The following TSEN54 variants were observed in gnomAD, a reference collection of about 807,000 sequenced individuals.
The protein encoded by TSEN54 is tRNA-splicing endonuclease subunit Sen54.
Under a neutral mutation model 61.9 loss-of-function variants are expected in TSEN54, and 55 were observed. The ratio of observed to expected loss-of-function variants is 0.89; its 90% CI spans 0.72 to 1.11. The LOEUF is 1.11. TSEN54 is among the 50% of genes most tolerant of loss of function. TSEN54 has a pLI of 0.00. For missense variants in TSEN54, 760 were observed against 687.7 expected, an observed-to-expected ratio of 1.11 and a Z score of -1.18; for synonymous variants, 304 against 288.7, an observed-to-expected ratio of 1.05 and a Z score of -0.54.
chr17:75,517,656 G>A lies in TSEN54; in HGVS notation c.468+1G>A. On this transcript the variant is annotated splice_donor_variant, in intron 5 of 10. Coordinates refer to ENST00000333213, the MANE Select transcript of TSEN54 (RefSeq NM_207346.3). LOFTEE classifies it high-confidence loss of function. ...CACTGTGACCTTCCTGCAGTACCAG[G>A]TATCTGCCACCACCCCGCCTCCGGG... 3 of 1,613,224 alleles carry A rather than the reference G, an allele frequency of 1.9e-6. No homozygotes were observed. The highest frequency in any genetic ancestry group is 1.7e-4 in the Middle Eastern group (1 of 6,060).
rs982148041 is a variant in TSEN54 at position 75,516,851 on chromosome 17, G to A, written c.162G>A (p.Arg54=). The change falls in exon 2 of 11, where the codon CGG becomes CGA. Residue 54 remains arginine (R), a synonymous_variant. Transcript: ENST00000333213. The stretch of plus-strand genomic sequence containing the variant: ...ACGGCTCGGCAGCTCAGGCCGAGCG[G>A]CTGCGCCGGTGCCGGGAAGAGCTCT... ...LPDGSAAQAE[R]LRRCREELWQ... 1.8e-5 allele frequency: 29 copies of A among 1,577,876 alleles called. No individual in the cohort carries two copies. The highest frequency in any genetic ancestry group is 1.9e-5 in the Non-Finnish European group (22 of 1,169,014).
At position 75,517,792 on chromosome 17, in the gene TSEN54, T is replaced by A. The variant is rs528903350; in HGVS notation, c.468+137T>A. ...ACGAGGGCTATGCTGTCACGAGGCT[T>A]ACATTGTGGTGGTGGCCTGTTGGCT... On this transcript the variant is annotated intron_variant, in intron 5 of 10. Transcript: ENST00000333213. The A allele has an allele frequency of 1.6e-3, 1,215 of 768,886 alleles. 3 individuals carry two copies. Among genetic ancestry groups the A allele is most frequent in the Non-Finnish European group, 2.4e-3 (1,083 of 448,562 alleles). 47.6% of individuals were successfully genotyped at this position (768,886 alleles called of 1,614,324 possible). A position where few individuals can be genotyped will look rare whatever the true frequency, so the allele number is the denominator to read the frequency against.
chr17:75,522,098 G>A lies in TSEN54; in HGVS notation c.1017G>A (p.Gln339=), dbSNP rs1445810297. 1 of 1,583,912 alleles carries A rather than the reference G, an allele frequency of 6.3e-7. No individual in the cohort carries two copies. Among genetic ancestry groups the A allele is most frequent in the Admixed American group, 1.8e-5 (1 of 56,392 alleles). Reference sequence around the variant, plus strand: ...AGACAGACGCTGAGTCCTGGTGCCAGAAGCTGAACCAGCGCAAGGAGAAGC... The same window carrying A: ...AGACAGACGCTGAGTCCTGGTGCCAAAAGCTGAACCAGCGCAAGGAGAAGC... The part of the protein sequence containing the change: ...GRETDAESWC[Q]KLNQRKEKLS... Residue 339 remains glutamine, a synonymous_variant, in exon 8 of 11, where the codon CAG becomes CAA. Coordinates refer to ENST00000333213, the MANE Select transcript of TSEN54 (RefSeq NM_207346.3).
At chr17:75,524,145 A>G in intron 10 of TSEN54, 117 bp from the exon 11 acceptor site, 1 of 1,451,800 alleles carries the variant, frequency 6.9e-7, no homozygotes, top group Non-Finnish European at 9.6e-7. Context: ...TTGGAGACAG[A>G]ACTCATGGGT....
intron 8 of TSEN54, 101 bp from the exon 9 acceptor site, chr17:75,523,174 G>GT: frequency 6.6e-7 from 1 of 1,524,154 alleles, no homozygotes; most frequent in South Asian, 1.1e-5. Flanking sequence ...GTGAGACTCC[G>GT]TTTAAAAAAA....
At chr17:75,523,856 T>C in intron 10 of TSEN54, 77 bp downstream of exon 10, 2 of 1,494,942 alleles carry the variant, frequency 1.3e-6, no homozygotes, top group Non-Finnish European at 1.8e-6. Context: ...TCCTCTGTAC[T>C]CCCCTGGCCA....
rs777072495 is a variant in TSEN54, at chr17:75,524,548, G to GTC, written c.*138_*139dup. ...GCCAGTCTGGGCCTTGGCCCTGGGT[G>GTC]TCTGATACTCACAGAGTGAAACTGT... On this transcript the variant is annotated 3_prime_UTR_variant, in exon 11 of 11. Transcript: ENST00000333213. 2.7e-6 allele frequency: 3 copies of GTC among 1,094,838 alleles called. No individual in the cohort carries two copies. The highest frequency in any genetic ancestry group is 4.1e-6 in the Non-Finnish European group (3 of 726,320). The allele number at this position is 1,094,838 out of a possible 1,614,324, so 67.8% of individuals were successfully genotyped here.
chr17:75,524,697 T>C lies in TSEN54; in HGVS notation c.*285T>C, dbSNP rs2147021283. ...CTTTAACGAGAGGGTGCCTGCTTCG[T>C]GCTATAAAGCCAAAGCCATTAAAAA... is the stretch of plus-strand genomic sequence containing the variant. On this transcript the variant is annotated 3_prime_UTR_variant, in exon 11 of 11. Coordinates refer to ENST00000333213, the MANE Select transcript of TSEN54 (RefSeq NM_207346.3). 1 of 527,338 alleles carries C rather than the reference T, an allele frequency of 1.9e-6. No homozygotes were observed. Among genetic ancestry groups the C allele is most frequent in the South Asian group, 2.0e-5 (1 of 50,704 alleles). The allele number at this position is 527,338 out of a possible 1,614,324, so 32.7% of individuals were successfully genotyped here.
chr17:75,521,650 G>T, intron 7 of TSEN54, 55 bp from the exon 8 acceptor site: 1 of 1,592,690 alleles, frequency 6.3e-7, no homozygotes, highest in Non-Finnish European at 8.6e-7. Context: ...CCCATGGGAC[G>T]TGTGCACCTT....
rs2053445011 is a variant in TSEN54 at position 75,523,032 on chromosome 17, AGCCGGGTG to A, written c.1253-242_1253-235del. 6 of 496,496 alleles carry A rather than the reference AGCCGGGTG, an allele frequency of 1.2e-5. 1 individual carries two copies. The highest frequency in any genetic ancestry group is 1.2e-4 in the South Asian group (6 of 49,720). 30.8% of individuals were successfully genotyped at this position (496,496 alleles called of 1,614,324 possible). A position where few individuals can be genotyped will look rare whatever the true frequency, so the allele number is the denominator to read the frequency against. On this transcript the variant is annotated intron_variant, in intron 8 of 10. Coordinates refer to ENST00000333213, the MANE Select transcript of TSEN54 (RefSeq NM_207346.3). ...CATCTCTACTAAAAATACAAAAATTAGCCGGGTGTGGTGGTGCACACTTATAATCCCAG... is the reference window on the plus strand; with the variant it reads ...CATCTCTACTAAAAATACAAAAATTATGGTGGTGCACACTTATAATCCCAG...
chr17:75,521,879 C>T lies in TSEN54; in HGVS notation c.798C>T (p.Pro266=). ...TTCAGCTTCTGGGGTCCCTGGGCCC[C>T]AGCCCTGGCCCGGCCAGGGAGGGGG... ...GPFQLLGSLG[P]SPGPAREGVG... The change falls in exon 8 of 11, where the codon CCC becomes CCT. Residue 266 remains proline, a synonymous_variant. Transcript: ENST00000333213. 1.2e-6 allele frequency: 2 copies of T among 1,610,538 alleles called. No homozygotes were observed. The highest frequency in any genetic ancestry group is 1.3e-5 in the African/African-American group (1 of 74,960).
intron 4 of TSEN54, 32 bp from the exon 5 acceptor site, chr17:75,517,525 C>G (rs746622463): frequency 6.3e-7 from 1 of 1,582,890 alleles, no homozygotes; most frequent in East Asian, 2.2e-5. Flanking sequence ...GTAGTGAGGG[C>G]TCATAAGCTG....
chr17:75,523,761 C>T lies in TSEN54; in HGVS notation c.1412C>T (p.Ala471Val). The stretch of plus-strand genomic sequence containing the variant: ...AAGAATAACCCTGGCAAACCCTATG[C>T]CCGGATGTGCATTAGTGGGTACGCA... The part of the protein sequence containing the change: ...FRKNNPGKPY[A>V]RMCISGFDEP... Residue 471 changes from alanine to valine, a missense_variant, in exon 10 of 11, where the codon GCC becomes GTC. This residue lies in a region of TSEN54 where 83 missense variants were observed against 82.9 expected (regional missense o/e 1.00). Transcript: ENST00000333213. 1.9e-6 allele frequency: 3 copies of T among 1,613,928 alleles called. No individual in the cohort carries two copies. In the South Asian group the frequency reaches 3.3e-5, roughly 18 times the overall value.
At chr17:75,520,415 CAAAAAAAAAA>C (rs917844314) in intron 6 of TSEN54, among the ~76,000 whole-genome samples, 2 of 91,796 alleles carry the variant, frequency 2.2e-5, no homozygotes, top group African/African-American at 4.1e-5. Flanking sequence ...ACTAAAATAC[CAAAAAAAAAA>C]AAAAAAAAAA....
intron 6 of TSEN54, 48 bp downstream of exon 6, chr17:75,519,095 T>C: frequency 6.2e-7 from 1 of 1,605,198 alleles, no homozygotes; most frequent in Non-Finnish European, 8.5e-7. Flanking sequence ...TCCTGGGACC[T>C]GGCTGACTAG....
chr17:75,519,594 ACTCT>A (rs1162524177), intron 6 of TSEN54, among the ~76,000 whole-genome samples: 1 of 152,036 alleles, frequency 6.6e-6, no homozygotes, highest in African/African-American at 2.4e-5. Context: ...ACGGAGTCTC[ACTCT>A]GTCGCCCAGG....
Position 75,522,147 on chromosome 17 carries a change from C to T in TSEN54, c.1066C>T (p.His356Tyr), listed in dbSNP as rs539193286. The change falls in exon 8 of 11, where the codon CAC (histidine) becomes TAC (tyrosine). Residue 356 changes from histidine (H) to tyrosine (Y), a missense_variant. By Grantham distance (83) the His-to-Tyr change is moderately conservative (BLOSUM62 2). This residue lies in a region of TSEN54 where 667 missense variants were observed against 577.8 expected (regional missense o/e 1.15). Transcript: ENST00000333213. ...EKLSRREREHHAEAAQFQEDV... is the reference protein window; with the variant it reads ...EKLSRREREHYAEAAQFQEDV... The stretch of plus-strand genomic sequence containing the variant: ...GCTCTCCAGGCGGGAACGGGAGCAC[C>T]ACGCGGAGGCCGCGCAGTTCCAGGA... 1.5e-5 allele frequency: 24 copies of T among 1,560,048 alleles called. No homozygotes were observed. In the South Asian group the frequency reaches 2.8e-4, roughly 18 times the overall value.
chr17:75,520,061 C>G (rs558551302), intron 6 of TSEN54, among the ~76,000 whole-genome samples: 5 of 152,244 alleles, frequency 3.3e-5, no homozygotes, highest in African/African-American at 1.2e-4. Context: ...AGGAGTCACA[C>G]AGAACACACT....
rs77247739 is a variant in TSEN54 at position 75,522,247 on chromosome 17, A to C, written c.1166A>C (p.Gln389Pro). ...TACAAGGAGCTGCTGCAGCGGCGGC[A>C]GGTGCAGAGGAGCCAGCGCCGGGCC... Reference protein sequence around the residue: ...REYKELLQRRQVQRSQRRAPH... With the variant: ...REYKELLQRRPVQRSQRRAPH... Residue 389 changes from glutamine (Q) to proline (P), a missense_variant, in exon 8 of 11, where the codon CAG becomes CCG. Gln to Pro is a moderately conservative substitution (Grantham distance 76). Transcript: ENST00000333213. 146,193 of 1,547,262 alleles carry C rather than the reference A, an allele frequency of 0.094. 7,342 individuals are homozygous for C. The highest frequency in any genetic ancestry group is 0.11 in the African/African-American group (8,038 of 73,094).
Sources: gnomAD v4.1 joint callset for allele counts (sites outside exome capture counted in the v4.1 genomes callset) on GRCh38, gnomAD v4.1.1 for gene constraint, gnomAD v4.1.1 regional missense constraint, MANE v1.5 for transcripts, NCBI Gene and HGNC (gene_info 2026-07-23, HGNC 2026-07-21) for gene names.